The following TENM2 variants were observed in gnomAD, a reference collection of about 807,000 sequenced individuals.
TENM2 encodes teneurin transmembrane protein 2.
Under a neutral mutation model 245.2 loss-of-function variants are expected in TENM2, and 52 were observed. That is an observed-to-expected ratio of 0.21 (90% CI 0.17 to 0.27). The LOEUF is 0.27. TENM2 is among the 10% of genes least tolerant of loss of function. TENM2 has a pLI of 1.00. For missense variants in TENM2, 3,046 were observed against 3,666.8 expected, an observed-to-expected ratio of 0.83 and a Z score of 4.37; for synonymous variants, 1,363 against 1,438.9, an observed-to-expected ratio of 0.95 and a Z score of 1.19.
the TENM2 span, among the ~76,000 whole-genome samples, chr5:167,176,781 A>G: frequency 6.6e-6 from 1 of 152,204 alleles, no homozygotes; most frequent in Non-Finnish European, 1.5e-5. Flanking sequence ...CCAAAACTAT[A>G]AAAAAGATAT....
rs567512800 is a variant in TENM2 at position 167,410,244 on chromosome 5, A to T, written c.502+34771A>T. Reference sequence around the variant, plus strand: ...TGATTAGAAAAATAGCAATCAAAGCATTCAACTCTTTTCACTTGTTGAGAC... The same window carrying T: ...TGATTAGAAAAATAGCAATCAAAGCTTTCAACTCTTTTCACTTGTTGAGAC... On this transcript the variant is annotated intron_variant, in intron 2 of 28. Transcript: ENST00000518659. 2.0e-4 allele frequency among the ~76,000 whole-genome samples: 31 copies of T among 152,134 alleles called. No homozygotes were observed. The South Asian group carries it at 6.2e-3, about 31-fold the overall frequency.
intron 2 of TENM2, among the ~76,000 whole-genome samples, chr5:167,603,861 G>A (rs1263651330): frequency 3.9e-5 from 6 of 152,090 alleles, no homozygotes; most frequent in African/African-American, 1.4e-4. Context: ...ACAACATAGA[G>A]TGAAAATGAA....
chr5:167,280,322 G>C (rs1770971406), upstream of TENM2, among the ~76,000 whole-genome samples: 1 of 152,184 alleles, frequency 6.6e-6, no homozygotes, highest in African/African-American at 2.4e-5. Context: ...GAAAAGTTCT[G>C]ACTCTCCTAA....
intron 2 of TENM2, chr5:167,729,182 C>T (rs1022757826): frequency 1.3e-5 from 2 of 152,136 alleles, no homozygotes; most frequent in African/African-American, 4.8e-5. Context: ...TTCCTTTCTC[C>T]CTTCCTCTCC....
chr5:168,106,063 G>T (rs1794215517), intron 9 of TENM2, among the ~76,000 whole-genome samples: 2 of 152,028 alleles, frequency 1.3e-5, no homozygotes, highest in Admixed American at 1.3e-4. Flanking sequence ...GCCTCAACCT[G>T]CAGCAGAAAA....
intron 2 of TENM2, among the ~76,000 whole-genome samples, chr5:167,392,078 G>A (rs1048750284): frequency 1.3e-5 from 2 of 152,072 alleles, no homozygotes; most frequent in African/African-American, 2.4e-5. Context: ...TGTTGGTGTG[G>A]CTTTTATCAT....
intron 2 of TENM2, among the ~76,000 whole-genome samples, chr5:167,527,059 C>T (rs544171949): frequency 3.3e-5 from 5 of 152,076 alleles, no homozygotes; most frequent in African/African-American, 1.2e-4. Flanking sequence ...TCAGGAATTC[C>T]ACACTCTCTC....
intron 2 of TENM2, among the ~76,000 whole-genome samples, chr5:167,788,925 T>G (rs1160157274): frequency 1.3e-5 from 2 of 152,116 alleles, no homozygotes; most frequent in East Asian, 3.8e-4. Flanking sequence ...TAATAGCAAC[T>G]CTTCAAAATG....
chr5:167,949,256 G>A (rs1185691642), intron 3 of TENM2, among the ~76,000 whole-genome samples: 2 of 152,128 alleles, frequency 1.3e-5, no homozygotes, highest in Non-Finnish European at 2.9e-5. Context: ...GCTCTATCCA[G>A]TTGTTTTGAG....
At chr5:168,013,897 CTT>C (rs1581057955) in intron 5 of TENM2, among the ~76,000 whole-genome samples, 1 of 152,160 alleles carries the variant, frequency 6.6e-6, no homozygotes, top group African/African-American at 2.4e-5. Context: ...GGACCTCTCT[CTT>C]GGCTTCTAGG....
chr5:167,726,564 T>A (rs1159778115), intron 2 of TENM2, among the ~76,000 whole-genome samples: 1 of 152,146 alleles, frequency 6.6e-6, no homozygotes, highest in Non-Finnish European at 1.5e-5. Context: ...TCTCAAGCGA[T>A]CTTCCTGCCT....
chr5:167,150,234 A>T, the TENM2 span, among the ~76,000 whole-genome samples: 1 of 152,210 alleles, frequency 6.6e-6, no homozygotes, highest in African/African-American at 2.4e-5. Context: ...CCTTTCAGCA[A>T]CCATCATCAT....
intron 2 of TENM2, among the ~76,000 whole-genome samples, chr5:167,475,893 T>C (rs1259618374): frequency 6.6e-6 from 1 of 152,172 alleles, no homozygotes; most frequent in Non-Finnish European, 1.5e-5. Flanking sequence ...TTATCCAGTC[T>C]ATCATTGATG....
intron 12 of TENM2, among the ~76,000 whole-genome samples, chr5:168,148,157 G>A (rs934221234): frequency 5.3e-5 from 8 of 152,202 alleles, no homozygotes; most frequent in African/African-American, 1.7e-4. Flanking sequence ...CCCATTCACT[G>A]TTCAATTATC....
intron 2 of TENM2, among the ~76,000 whole-genome samples, chr5:167,819,081 T>C (rs991602899): frequency 1.8e-4 from 27 of 151,440 alleles, no homozygotes; most frequent in African/African-American, 4.8e-4. Flanking sequence ...TGTGTGTGTG[T>C]GTGCGTGCGC....
At chr5:167,252,379 G>A in the TENM2 span, among the ~76,000 whole-genome samples, 21 of 152,162 alleles carry the variant, frequency 1.4e-4, no homozygotes, top group African/African-American at 4.8e-4. Context: ...AGCTCCAAGA[G>A]AAGATTTATT....
chr5:167,180,698 C>A, the TENM2 span, among the ~76,000 whole-genome samples: 1 of 151,548 alleles, frequency 6.6e-6, no homozygotes, highest in Non-Finnish European at 1.5e-5. Flanking sequence ...ATACTGCATT[C>A]CTAAAAAAAG....
At chr5:167,425,382 A>G (rs1479573286) in intron 2 of TENM2, among the ~76,000 whole-genome samples, 1 of 151,790 alleles carries the variant, frequency 6.6e-6, no homozygotes, top group East Asian at 2.1e-4. Context: ...AAGTGTGGAG[A>G]TAACACCCAG....
chr5:167,024,015 G>A, the TENM2 span, among the ~76,000 whole-genome samples: 1 of 152,250 alleles, frequency 6.6e-6, no homozygotes, highest in Non-Finnish European at 1.5e-5. Flanking sequence ...GAGATCGAGA[G>A]ATTTTTTAAA....
Sources: allele counts gnomAD v4.1 joint callset (sites outside exome capture counted in the v4.1 genomes callset), GRCh38; gene constraint gnomAD v4.1.1; transcripts MANE v1.5; gene names NCBI Gene and HGNC (gene_info 2026-07-23, HGNC 2026-07-21).